The following PTPRG variants were observed in gnomAD, a reference collection of about 807,000 sequenced individuals.
PTPRG encodes receptor-type tyrosine-protein phosphatase gamma.
PTPRG carries 102 observed loss-of-function variants against 165.3 expected under a neutral mutation model. That is an observed-to-expected ratio of 0.62 (90% confidence interval 0.53 to 0.73). PTPRG has a LOEUF of 0.73. Ranked by LOEUF, PTPRG falls within the 30% of genes least tolerant of loss-of-function variation. The pLI, the probability that PTPRG is intolerant of heterozygous loss-of-function variation, is 0.00. For missense variants in PTPRG, 1,866 were observed against 1,861.4 expected (o/e 1.00, Z -0.05); for synonymous variants, 675 against 669.5 (o/e 1.01, Z -0.13).
chr3:61,729,105 C>T (rs924990309), intron 1 of PTPRG, among the ~76,000 whole-genome samples: 14 of 151,884 alleles, frequency 9.2e-5, no homozygotes, highest in Non-Finnish European at 1.8e-4. Flanking sequence ...CAGGGAGGCT[C>T]CCTGTAAGTA....
At position 62,108,208 on chromosome 3, in the gene PTPRG, G is replaced by A. The variant is rs548363008; in HGVS notation, c.616-24394G>A. On this transcript the variant is annotated intron_variant, in intron 5 of 29. Transcript: ENST00000474889. ...TATCCCTCCCCCAGCCCCCCACCCC[G>A]CAACAGGCCCCGGTGTGTGATATTT... Among the ~76,000 whole-genome samples the A allele has an allele frequency of 9.0e-5, 9 of 99,954 alleles. No individual in the cohort carries two copies. In the East Asian group the frequency reaches 1.3e-3, roughly 15 times the overall value. 65.6% of individuals were successfully genotyped at this position (99,954 alleles called of 152,430 possible). A position where few individuals can be genotyped will look rare whatever the true frequency, so the allele number is the denominator to read the frequency against.
chr3:61,753,594 T>C (rs1370035516), intron 2 of PTPRG: 2 of 441,506 alleles, frequency 4.5e-6, no homozygotes, highest in South Asian at 3.3e-5. Context: ...GGTTTTTTTT[T>C]TTTTTTTGGA....
intron 8 of PTPRG, among the ~76,000 whole-genome samples, chr3:62,187,691 A>G (rs946446469): frequency 6.6e-6 from 1 of 152,210 alleles, no homozygotes; most frequent in African/African-American, 2.4e-5. Context: ...AGGCCCTCCT[A>G]GTACTCTGCA....
intron 3 of PTPRG, among the ~76,000 whole-genome samples, chr3:61,995,745 T>TTCCC (rs1553702235): frequency 3.6e-5 from 4 of 109,730 alleles, no homozygotes; most frequent in Admixed American, 2.1e-4. Context: ...CCTTCCTTCC[T>TTCCC]TCCCTCCCTC....
Position 61,790,143 on chromosome 3 carries a change from G to A in PTPRG, c.190+41161G>A, listed in dbSNP as rs114559339. On this transcript the variant is annotated intron_variant, in intron 2 of 29. Transcript: ENST00000474889. ...CTTAGCCGTGTCTGTCATGGGCAGT[G>A]GAGTACAGAGGGTGGTTGCCCTCTC... Among the ~76,000 whole-genome samples the A allele has an allele frequency of 6.6e-5, 10 of 152,280 alleles. 1 individual carries two copies. Among genetic ancestry groups the A allele is most frequent in the South Asian group, 4.2e-4 (2 of 4,812 alleles).
At chr3:62,262,544 T>A in intron 16 of PTPRG, 1 of 354,730 alleles carries the variant, frequency 2.8e-6, no homozygotes, top group Non-Finnish European at 5.0e-6. Flanking sequence ...GATATTGTTT[T>A]ACATCTCAGG....
chr3:61,904,837 G>A (rs2107527855), intron 2 of PTPRG, among the ~76,000 whole-genome samples: 1 of 151,842 alleles, frequency 6.6e-6, no homozygotes, highest in South Asian at 2.1e-4. Flanking sequence ...TTTACCCTGG[G>A]TTTTCATCCT....
intron 2 of PTPRG, among the ~76,000 whole-genome samples, chr3:61,981,432 A>G (rs1575847332): frequency 2.0e-5 from 3 of 152,188 alleles, no homozygotes; most frequent in African/African-American, 7.2e-5. Context: ...AGATTCCACT[A>G]ATTGCCATAT....
At chr3:61,677,894 GGTACA>G (rs1703289423) in intron 1 of PTPRG, among the ~76,000 whole-genome samples, 2 of 152,084 alleles carry the variant, frequency 1.3e-5, no homozygotes, top group Admixed American at 6.6e-5. Flanking sequence ...GGAAGTGACT[GGTACA>G]GTTTCAAAAG....
intron 1 of PTPRG, among the ~76,000 whole-genome samples, chr3:61,648,461 A>G (rs1702265056): frequency 6.6e-6 from 1 of 152,230 alleles, no homozygotes; most frequent in African/African-American, 2.4e-5. Flanking sequence ...CCGAGGGGAA[A>G]TGAAAACTGG....
intron 3 of PTPRG, among the ~76,000 whole-genome samples, chr3:62,000,810 A>T (rs1242478753): frequency 1.3e-5 from 2 of 152,172 alleles, no homozygotes; most frequent in East Asian, 3.8e-4. Context: ...CCTTGATTCT[A>T]GAAATGAGTT....
chr3:62,293,090 T>G, intron 29 of PTPRG, 71 bp from the exon 30 acceptor site: 2 of 1,281,840 alleles, frequency 1.6e-6, no homozygotes, highest in Non-Finnish European at 2.1e-6. Context: ...ACCATTTTAA[T>G]TGGTATTTCC....
chr3:61,879,641 T>C (rs776193731), intron 2 of PTPRG, among the ~76,000 whole-genome samples: 22 of 152,168 alleles, frequency 1.4e-4, no homozygotes, highest in Admixed American at 5.9e-4. Flanking sequence ...TTTAAATAAT[T>C]TCTATATACA....
intron 5 of PTPRG, among the ~76,000 whole-genome samples, chr3:62,117,508 CA>C (rs1427281167): frequency 6.6e-6 from 1 of 152,106 alleles, no homozygotes; most frequent in African/African-American, 2.4e-5. Context: ...GTGATGTTTA[CA>C]GGTATGGTTC....
At chr3:61,904,898 T>G (rs2107527948) in intron 2 of PTPRG, among the ~76,000 whole-genome samples, 1 of 150,158 alleles carries the variant, frequency 6.7e-6, no homozygotes. Context: ...TCTTTGATTC[T>G]AATTGGAAAG....
chr3:61,924,062 C>T lies in PTPRG; in HGVS notation c.191-65563C>T, dbSNP rs577837924. 1.2e-4 allele frequency among the ~76,000 whole-genome samples: 19 copies of T among 152,304 alleles called. No homozygotes were observed. The East Asian group carries it at 2.3e-3, about 19-fold the overall frequency. On this transcript the variant is annotated intron_variant, in intron 2 of 29. Transcript: ENST00000474889. The stretch of plus-strand genomic sequence containing the variant: ...TATAGAAAGCTAGGGCTTTTCCCAT[C>T]GTTGGATCTCCTACTGGATTTTCCT...
At chr3:62,216,231 A>AG (rs1439816895) in intron 12 of PTPRG, among the ~76,000 whole-genome samples, 2 of 150,978 alleles carry the variant, frequency 1.3e-5, no homozygotes, top group African/African-American at 4.9e-5. Flanking sequence ...AAAAAAAAAA[A>AG]ATGATAGAAA....
intron 1 of PTPRG, among the ~76,000 whole-genome samples, chr3:61,600,757 T>A (rs564770620): frequency 2.6e-5 from 4 of 152,092 alleles, no homozygotes; most frequent in African/African-American, 9.6e-5. Context: ...CCGAGGCTGG[T>A]CTCAAACTCC....
chr3:62,094,854 T>C (rs575542346), intron 5 of PTPRG, among the ~76,000 whole-genome samples: 2 of 152,346 alleles, frequency 1.3e-5, no homozygotes, highest in African/African-American at 2.4e-5. Flanking sequence ...GTTCTGCTCA[T>C]GCCTGGCTGT....
Sources: allele counts gnomAD v4.1 joint callset (sites outside exome capture counted in the v4.1 genomes callset), GRCh38; gene constraint gnomAD v4.1.1; transcripts MANE v1.5; gene names NCBI Gene and HGNC (gene_info 2026-07-23, HGNC 2026-07-21).